DLGAP2: variants seen among roughly 807,000 people sequenced by gnomAD.
DLGAP2 encodes disks large-associated protein 2.
DLGAP2 carries 26 observed loss-of-function variants against 100.3 expected under a neutral mutation model. The observed-to-expected ratio is 0.26, with a 90% CI of 0.19 to 0.36. The LOEUF is 0.36. DLGAP2 is among the 10% of genes least tolerant of loss of function. The pLI is 1.00. For missense variants in DLGAP2, 1,858 were observed against 1,453.2 expected (o/e 1.28, Z -4.53); for synonymous variants, 886 against 630.1 (o/e 1.41, Z -6.08).
chr8:825,234 A>G (rs6420234), intron 1 of DLGAP2, among the ~76,000 whole-genome samples: 151,362 of 152,308 alleles, frequency 0.99, 75,224 homozygotes, highest in Middle Eastern at 1. Flanking sequence ...AGAACCAAGT[A>G]CCTGTGGTTC....
intron 1 of DLGAP2, among the ~76,000 whole-genome samples, chr8:786,374 T>C (rs1184934276): frequency 6.6e-6 from 1 of 152,168 alleles, no homozygotes; most frequent in East Asian, 1.9e-4. Context: ...TTCTCATGCC[T>C]GCATCTTCCG....
chr8:787,760 T>C (rs1316665574), intron 1 of DLGAP2, among the ~76,000 whole-genome samples: 2 of 152,198 alleles, frequency 1.3e-5, no homozygotes, highest in Non-Finnish European at 2.9e-5. Flanking sequence ...CAAAAGTTCA[T>C]CTTCCTGGAG....
intron 3 of DLGAP2, among the ~76,000 whole-genome samples, chr8:1,417,579 A>G (rs1245845946): frequency 7.6e-6 from 1 of 131,018 alleles, no homozygotes; most frequent in Non-Finnish European, 1.6e-5. Context: ...GAGAGGAGAA[A>G]ATGCGGACAG....
At chr8:892,197 C>A (rs1179041497) in intron 1 of DLGAP2, among the ~76,000 whole-genome samples, 1 of 152,134 alleles carries the variant, frequency 6.6e-6, no homozygotes, top group African/African-American at 2.4e-5. Flanking sequence ...CCGTTCCCCT[C>A]CTGAGTTGAT....
chr8:820,706 C>T (rs80269256), intron 1 of DLGAP2, among the ~76,000 whole-genome samples: 6,137 of 152,218 alleles, frequency 0.04, 184 homozygotes, highest in African/African-American at 0.078. Flanking sequence ...TCCTTTGACT[C>T]AGTAATTCTG....
chr8:875,124 A>G (rs906011272), intron 1 of DLGAP2, among the ~76,000 whole-genome samples: 1 of 152,140 alleles, frequency 6.6e-6, no homozygotes, highest in Non-Finnish European at 1.5e-5. Flanking sequence ...CTTTCAATCT[A>G]TTTGTATCTT....
At chr8:1,023,853 A>ATGTGTGTGTGTGTGTG (rs1325437123) in intron 2 of DLGAP2, among the ~76,000 whole-genome samples, 8 of 64,426 alleles carry the variant, frequency 1.2e-4, no homozygotes, top group African/African-American at 3.6e-4. Flanking sequence ...CTCAAACTTT[A>ATGTGTGTGTGTGTGTG]TATATGTGTG....
chr8:1,442,746 C>T (rs1797873669), intron 3 of DLGAP2, among the ~76,000 whole-genome samples: 2 of 150,292 alleles, frequency 1.3e-5, no homozygotes, highest in South Asian at 4.2e-4. Context: ...GCTGTGGGTT[C>T]AGCCACTGGA....
At chr8:1,499,905 G>A (rs1415200556) in intron 3 of DLGAP2, among the ~76,000 whole-genome samples, 1 of 142,112 alleles carries the variant, frequency 7.0e-6, no homozygotes, top group East Asian at 2.2e-4. Context: ...TGATTGCAGT[G>A]TAAGTGGCTC....
At chr8:1,305,154 C>T (rs561802974) in intron 3 of DLGAP2, among the ~76,000 whole-genome samples, 1 of 152,168 alleles carries the variant, frequency 6.6e-6, no homozygotes, top group African/African-American at 2.4e-5. Context: ...TGTCACTTCC[C>T]ATTCAGTGAC....
intron 3 of DLGAP2, among the ~76,000 whole-genome samples, chr8:1,264,554 C>T (rs1799414241): frequency 6.6e-6 from 1 of 152,080 alleles, no homozygotes; most frequent in African/African-American, 2.4e-5. Flanking sequence ...CACATGATGA[C>T]ATTCATAGGA....
chr8:1,568,239 A>C (rs1225018468), intron 6 of DLGAP2, among the ~76,000 whole-genome samples: 2 of 112,544 alleles, frequency 1.8e-5, no homozygotes, highest in Non-Finnish European at 3.5e-5. Context: ...ACACAAATCC[A>C]CTCTGCCCAT....
At chr8:977,332 C>A (rs972319838) in intron 2 of DLGAP2, among the ~76,000 whole-genome samples, 1 of 152,218 alleles carries the variant, frequency 6.6e-6, no homozygotes, top group Non-Finnish European at 1.5e-5. Flanking sequence ...CTTCTGACAG[C>A]TGAGGTGGAC....
intron 4 of DLGAP2, among the ~76,000 whole-genome samples, chr8:1,522,350 C>G (rs1262531768): frequency 6.6e-6 from 1 of 152,186 alleles, no homozygotes; most frequent in Admixed American, 6.5e-5. Context: ...GCCGAAACAG[C>G]TGAGTGCATG....
At chr8:1,076,147 C>T (rs1386682716) in intron 2 of DLGAP2, among the ~76,000 whole-genome samples, 3 of 152,208 alleles carry the variant, frequency 2.0e-5, no homozygotes, top group African/African-American at 7.2e-5. Context: ...TGGGCCTGCT[C>T]CAGGCAGCAC....
At chr8:1,481,860 C>A (rs996229734) in intron 3 of DLGAP2, among the ~76,000 whole-genome samples, 2 of 152,186 alleles carry the variant, frequency 1.3e-5, no homozygotes, top group South Asian at 4.1e-4. Context: ...GAAAACTAAA[C>A]TCATGTCAGG....
At chr8:962,547 C>G (rs1464377490) in intron 2 of DLGAP2, among the ~76,000 whole-genome samples, 2 of 152,122 alleles carry the variant, frequency 1.3e-5, no homozygotes, top group Non-Finnish European at 2.9e-5. Flanking sequence ...TGGGCCCTGG[C>G]CTGACCTGTG....
At chr8:752,107 C>G (rs1252204612) in intron 1 of DLGAP2, among the ~76,000 whole-genome samples, 4 of 152,210 alleles carry the variant, frequency 2.6e-5, no homozygotes, top group Non-Finnish European at 5.9e-5. Flanking sequence ...ATCTCACTTG[C>G]CGCTTCGAGG....
intron 3 of DLGAP2, among the ~76,000 whole-genome samples, chr8:1,459,779 A>G (rs1798422652): frequency 1.4e-5 from 2 of 139,744 alleles, no homozygotes; most frequent in African/African-American, 5.4e-5. Context: ...TCTGCCTCCC[A>G]GGTTCAAGCA....
Sources: allele counts gnomAD v4.1 joint callset (sites outside exome capture counted in the v4.1 genomes callset), GRCh38; gene constraint gnomAD v4.1.1; transcripts MANE v1.5; gene names NCBI Gene and HGNC (gene_info 2026-07-23, HGNC 2026-07-21).